The following NAALADL2 variants were observed in gnomAD, a reference collection of about 807,000 sequenced individuals.
NAALADL2 encodes the protein N-acetylated alpha-linked acidic dipeptidase like 2.
Under a neutral mutation model 87.2 loss-of-function variants are expected in NAALADL2, and 76 were observed. The observed-to-expected ratio is 0.87, with a 90% CI of 0.72 to 1.05. The LOEUF (loss-of-function observed/expected upper bound fraction) is 1.05. NAALADL2 is among the 50% of genes least tolerant of loss of function. The pLI, the probability that NAALADL2 is intolerant of heterozygous loss-of-function variation, is 0.00. For synonymous variants in NAALADL2, 354 were observed against 331.0 expected, an observed-to-expected ratio of 1.07 and a Z score of -0.75; for missense variants, 1,089 against 945.8, an observed-to-expected ratio of 1.15 and a Z score of -1.99.
At chr3:175,727,428 T>C (rs545188299) in intron 11 of NAALADL2, among the ~76,000 whole-genome samples, 253 of 152,300 alleles carry the variant, frequency 1.7e-3, no homozygotes, top group African/African-American at 5.7e-3. Context: ...CCAAACAGGA[T>C]AAGTCACAGG....
chr3:175,726,688 C>T (rs542396046), intron 11 of NAALADL2, among the ~76,000 whole-genome samples: 21 of 152,234 alleles, frequency 1.4e-4, no homozygotes, highest in Non-Finnish European at 2.6e-4. Flanking sequence ...CTACTACCCT[C>T]ACCTCTCAAT....
chr3:175,117,974 A>G (rs1725530809), intron 2 of NAALADL2, among the ~76,000 whole-genome samples: 1 of 152,034 alleles, frequency 6.6e-6, no homozygotes, highest in Non-Finnish European at 1.5e-5. Context: ...AGGGACATGG[A>G]TGAAGCTAGA....
intron 1 of NAALADL2, among the ~76,000 whole-genome samples, chr3:175,006,096 T>C (rs369025210): frequency 3.9e-5 from 6 of 152,190 alleles, no homozygotes; most frequent in African/African-American, 1.4e-4. Context: ...CACCTGTTCC[T>C]TATGGTTCCC....
intron 9 of NAALADL2, among the ~76,000 whole-genome samples, chr3:175,537,562 C>A (rs1024658572): frequency 7.9e-5 from 12 of 152,078 alleles, no homozygotes; most frequent in African/African-American, 2.9e-4. Flanking sequence ...TTCAAAGTAC[C>A]ATATAACCAC....
At chr3:175,736,172 G>A (rs1744477031) in intron 11 of NAALADL2, among the ~76,000 whole-genome samples, 1 of 152,220 alleles carries the variant, frequency 6.6e-6, no homozygotes, top group African/African-American at 2.4e-5. Flanking sequence ...CTATTAAGCA[G>A]ATGCTAGTTC....
chr3:175,402,692 A>G (rs1287589795), intron 5 of NAALADL2, among the ~76,000 whole-genome samples: 1 of 152,018 alleles, frequency 6.6e-6, no homozygotes, highest in Non-Finnish European at 1.5e-5. Context: ...TGAAGTTTAT[A>G]CCAGCTAATG....
At chr3:174,926,168 A>G (rs1196364622) in intron 1 of NAALADL2, among the ~76,000 whole-genome samples, 1 of 152,172 alleles carries the variant, frequency 6.6e-6, no homozygotes, top group Non-Finnish European at 1.5e-5. Flanking sequence ...AAAAAGAGTA[A>G]AAAGAAATGA....
At chr3:175,038,059 T>A (rs1186971311) in intron 1 of NAALADL2, among the ~76,000 whole-genome samples, 1 of 152,160 alleles carries the variant, frequency 6.6e-6, no homozygotes, top group Non-Finnish European at 1.5e-5. Context: ...ATATGACAAC[T>A]TTTTTATTGT....
chr3:175,354,336 T>C (rs1490447151), intron 5 of NAALADL2, among the ~76,000 whole-genome samples: 1 of 152,060 alleles, frequency 6.6e-6, no homozygotes, highest in Non-Finnish European at 1.5e-5. Context: ...GATTCAAAAA[T>C]CAAGTGAAAC....
At chr3:175,320,505 C>A (rs941338100) in intron 4 of NAALADL2, among the ~76,000 whole-genome samples, 14 of 152,038 alleles carry the variant, frequency 9.2e-5, no homozygotes, top group African/African-American at 1.2e-4. Context: ...CAGGCAGAGA[C>A]CAAGATGACT....
chr3:174,738,485 T>TACTTCAGATTCCTA (rs1733432227), intron 3 of NAALADL2, among the ~76,000 whole-genome samples: 1 of 152,152 alleles, frequency 6.6e-6, no homozygotes, highest in Non-Finnish European at 1.5e-5. Flanking sequence ...GTCAGGCAAG[T>TACTTCAGATTCCTA]AATGCAGATT....
At chr3:174,883,115 A>G (rs889765998) in intron 1 of NAALADL2, among the ~76,000 whole-genome samples, 1 of 151,900 alleles carries the variant, frequency 6.6e-6, no homozygotes, top group African/African-American at 2.4e-5. Flanking sequence ...AGACCAGTGT[A>G]TCTTTTCACA....
intron 1 of NAALADL2, among the ~76,000 whole-genome samples, chr3:174,881,805 C>G (rs190690830): frequency 6.6e-6 from 1 of 151,884 alleles, no homozygotes; most frequent in Non-Finnish European, 1.5e-5. Context: ...AAATCTGGGT[C>G]GGATAAGTAT....
chr3:175,256,553 A>C lies in NAALADL2; in HGVS notation c.939+23A>C, dbSNP rs1444703570. 2.5e-6 allele frequency: 4 copies of C among 1,602,812 alleles called. No homozygotes were observed. In the Admixed American group the frequency reaches 6.9e-5, roughly 28 times the overall value. On this transcript the variant is annotated intron_variant, in intron 4 of 13. Coordinates refer to ENST00000454872, the MANE Select transcript of NAALADL2 (RefSeq NM_207015.3). ...AAGGTTGGTCCAGTGAATGTTATTCAGTGGTTTGGTCAATATTTTGCCTTG... is the reference window on the plus strand; with the variant it reads ...AAGGTTGGTCCAGTGAATGTTATTCCGTGGTTTGGTCAATATTTTGCCTTG...
intron 1 of NAALADL2, among the ~76,000 whole-genome samples, chr3:174,986,457 CTTTCA>C (rs1241099546): frequency 6.6e-6 from 1 of 151,600 alleles, no homozygotes; most frequent in Non-Finnish European, 1.5e-5. Flanking sequence ...AAGCTACATT[CTTTCA>C]TTTATTTCTC....
At chr3:174,745,913 A>T (rs1024870327) in intron 3 of NAALADL2, among the ~76,000 whole-genome samples, 4 of 152,218 alleles carry the variant, frequency 2.6e-5, no homozygotes, top group African/African-American at 7.2e-5. Context: ...TAAACTAGAT[A>T]TTGGTGGAAC....
At chr3:175,463,050 T>A (rs1723399233) in intron 6 of NAALADL2, among the ~76,000 whole-genome samples, 1 of 152,180 alleles carries the variant, frequency 6.6e-6, no homozygotes, top group South Asian at 2.1e-4. Context: ...TCTATTTTTT[T>A]CTGTTTTTAA....
At chr3:174,865,594 C>T (rs554575741) in intron 1 of NAALADL2, among the ~76,000 whole-genome samples, 14 of 151,988 alleles carry the variant, frequency 9.2e-5, no homozygotes, top group African/African-American at 3.1e-4. Flanking sequence ...CACATTTCTT[C>T]GAGGGAGCTT....
chr3:174,501,236 G>A (rs1185146200), intron 1 of NAALADL2, among the ~76,000 whole-genome samples: 1 of 148,724 alleles, frequency 6.7e-6, no homozygotes, highest in East Asian at 1.9e-4. Context: ...CCGCCACTAC[G>A]CCCGGCTAAT....
Sources: gnomAD v4.1 joint callset for allele counts (sites outside exome capture counted in the v4.1 genomes callset) on GRCh38, gnomAD v4.1.1 for gene constraint, MANE v1.5 for transcripts, NCBI Gene and HGNC (gene_info 2026-07-23, HGNC 2026-07-21) for gene names.